The following KCNT2 variants were observed in gnomAD, a reference collection of about 807,000 sequenced individuals.
KCNT2 encodes potassium sodium-activated channel subfamily T member 2.
KCNT2 carries 67 observed loss-of-function variants against 153.8 expected under a neutral mutation model. The observed-to-expected ratio is 0.44, with a 90% CI of 0.36 to 0.53. KCNT2 has a LOEUF of 0.53. Ranked by LOEUF, KCNT2 falls within the 20% of genes least tolerant of loss-of-function variation. KCNT2 has a pLI of 0.00. For synonymous variants in KCNT2, 500 were observed against 458.8 expected (o/e 1.09, Z -1.15); for missense variants, 975 against 1,354.8 (o/e 0.72, Z 4.40).
At chr1:196,351,188 CT>C (rs889641719) in intron 14 of KCNT2, among the ~76,000 whole-genome samples, 6 of 151,776 alleles carry the variant, frequency 4.0e-5, no homozygotes, top group Non-Finnish European at 8.8e-5. Flanking sequence ...GTGATGCGGG[CT>C]TTTTTTTGGT....
chr1:196,549,651 C>G (rs889510566), intron 1 of KCNT2, among the ~76,000 whole-genome samples: 4 of 151,862 alleles, frequency 2.6e-5, no homozygotes, highest in African/African-American at 7.2e-5. Context: ...AACTCTGGGA[C>G]CAGCCTTCAA....
At chr1:196,391,287 G>A (rs1558233970) in intron 13 of KCNT2, among the ~76,000 whole-genome samples, 1 of 151,390 alleles carries the variant, frequency 6.6e-6, no homozygotes, top group South Asian at 2.1e-4. Flanking sequence ...TGTCACTAGC[G>A]CATAGAACAA....
intron 14 of KCNT2, among the ~76,000 whole-genome samples, chr1:196,370,684 G>A (rs543931217): frequency 4.6e-5 from 7 of 151,952 alleles, no homozygotes; most frequent in African/African-American, 1.2e-4. Context: ...GTGACCATAC[G>A]ACCCAGCAAT....
At chr1:196,583,147 G>A (rs977695634) in intron 1 of KCNT2, among the ~76,000 whole-genome samples, 7 of 152,056 alleles carry the variant, frequency 4.6e-5, no homozygotes, top group African/African-American at 1.7e-4. Context: ...CAAGAGTTCA[G>A]ATGAGAAAGG....
chr1:196,349,290 C>T (rs1270374177), intron 14 of KCNT2, among the ~76,000 whole-genome samples: 3 of 152,140 alleles, frequency 2.0e-5, no homozygotes, highest in African/African-American at 7.2e-5. Context: ...CCATTCCTAT[C>T]ATTTAATAAT....
chr1:196,283,990 G>A (rs1158085817), intron 23 of KCNT2, among the ~76,000 whole-genome samples: 1 of 151,152 alleles, frequency 6.6e-6, no homozygotes, highest in African/African-American at 2.4e-5. Context: ...CAGCACTTTG[G>A]GAGGCCAAGG....
chr1:196,405,264 A>G (rs1558250336), intron 12 of KCNT2, among the ~76,000 whole-genome samples: 1 of 151,446 alleles, frequency 6.6e-6, no homozygotes, highest in African/African-American at 2.4e-5. Context: ...CGAATCATAG[A>G]GTAAAATGTT....
At chr1:196,576,761 T>C (rs4603077) in intron 1 of KCNT2, among the ~76,000 whole-genome samples, 2,319 of 152,224 alleles carry the variant, frequency 0.015, 68 homozygotes, top group African/African-American at 0.053. Context: ...GCTTTCTATG[T>C]CACTAGGCAG....
At position 196,227,823 on chromosome 1, in the gene KCNT2, T is replaced by G. The variant is rs1653609133; in HGVS notation, c.*401A>C. ...AAAACAGTAAGTTTAAAGAATATAATATGACACATTTAATTTTTAAGAGGA... is the reference window on the plus strand; with the variant it reads ...AAAACAGTAAGTTTAAAGAATATAAGATGACACATTTAATTTTTAAGAGGA... On this transcript the variant is annotated 3_prime_UTR_variant, in exon 28 of 28. Transcript: ENST00000294725. The G allele has an allele frequency of 6.4e-6, 1 of 156,090 alleles. No individual in the cohort carries two copies. Among genetic ancestry groups the G allele is most frequent in the East Asian group, 1.9e-4 (1 of 5,288 alleles). The allele number at this position is 156,090 out of a possible 1,614,324, so 9.7% of individuals were successfully genotyped here. A position where few individuals can be genotyped will look rare whatever the true frequency, so the allele number is the denominator to read the frequency against.
chr1:196,473,967 T>C (rs1309608627), intron 5 of KCNT2, among the ~76,000 whole-genome samples: 3 of 152,242 alleles, frequency 2.0e-5, no homozygotes, highest in Non-Finnish European at 4.4e-5. Flanking sequence ...GCATTATTCT[T>C]CTTCCAAAAA....
intron 25 of KCNT2, among the ~76,000 whole-genome samples, chr1:196,274,986 C>A (rs1323122571): frequency 6.6e-6 from 1 of 151,692 alleles, no homozygotes; most frequent in East Asian, 1.9e-4. Context: ...CCCAGTGGAA[C>A]CTAGGTAGCC....
chr1:196,372,712 G>C (rs185457472), intron 14 of KCNT2, among the ~76,000 whole-genome samples: 79 of 151,902 alleles, frequency 5.2e-4, no homozygotes, highest in Non-Finnish European at 5.9e-5. Context: ...CATCAATTGT[G>C]TACATTAAGC....
At chr1:196,463,131 T>C (rs1018387799) in intron 8 of KCNT2, among the ~76,000 whole-genome samples, 2 of 151,738 alleles carry the variant, frequency 1.3e-5, no homozygotes, top group Non-Finnish European at 3.0e-5. Context: ...GGGGAAACAG[T>C]CTTAGACAGA....
intron 23 of KCNT2, among the ~76,000 whole-genome samples, chr1:196,284,653 G>A (rs1659490378): frequency 6.6e-6 from 1 of 151,868 alleles, no homozygotes; most frequent in African/African-American, 2.4e-5. Context: ...TGTTTGGAGT[G>A]GGAGCCCTGC....
rs898794454 is a variant in KCNT2 at position 196,465,516 on chromosome 1, A to G, written c.544-129T>C. The G allele has an allele frequency of 4.8e-6, 3 of 622,526 alleles. No homozygotes were observed. In the African/African-American group the frequency reaches 5.6e-5, roughly 12 times the overall value. 38.6% of individuals were successfully genotyped at this position (622,526 alleles called of 1,614,324 possible). A position where few individuals can be genotyped will look rare whatever the true frequency, so the allele number is the denominator to read the frequency against. The stretch of plus-strand genomic sequence containing the variant: ...CATACATACATATGTAAATACATGT[A>G]TTTCAAATGGAAATATAAGCATATT... On this transcript the variant is annotated intron_variant, in intron 7 of 27. Coordinates refer to ENST00000294725, the MANE Select transcript of KCNT2 (RefSeq NM_198503.5).
At chr1:196,479,423 T>C (rs1010088730) in intron 4 of KCNT2, among the ~76,000 whole-genome samples, 185 bp from the exon 5 acceptor site, 4 of 152,218 alleles carry the variant, frequency 2.6e-5, no homozygotes, top group Non-Finnish European at 5.9e-5. Context: ...GAGTTTGCTG[T>C]CTCCTGTACT....
chr1:196,499,458 C>T (rs920653819), intron 1 of KCNT2, among the ~76,000 whole-genome samples: 1 of 152,188 alleles, frequency 6.6e-6, no homozygotes, highest in African/African-American at 2.4e-5. Context: ...TTAGTTAGGA[C>T]CTACTGGACA....
At chr1:196,593,311 T>TATATATATACACACAC (rs1256165838) in intron 1 of KCNT2, among the ~76,000 whole-genome samples, 9 of 140,208 alleles carry the variant, frequency 6.4e-5, no homozygotes, top group African/African-American at 2.5e-4. Flanking sequence ...TATATATATA[T>TATATATATACACACAC]ACACACACAC....
At chr1:196,265,093 C>T (rs1178873029) in intron 25 of KCNT2, among the ~76,000 whole-genome samples, 1 of 152,124 alleles carries the variant, frequency 6.6e-6, no homozygotes, top group Non-Finnish European at 1.5e-5. Flanking sequence ...TGCAGGTGTG[C>T]AATCATCAGT....
Sources: gnomAD v4.1 joint callset for allele counts (sites outside exome capture counted in the v4.1 genomes callset) on GRCh38, gnomAD v4.1.1 for gene constraint, MANE v1.5 for transcripts, NCBI Gene and HGNC (gene_info 2026-07-23, HGNC 2026-07-21) for gene names.